Variants in FBXO10 observed in about 807,000 individuals in gnomAD.
FBXO10 encodes the protein F-box only protein 10.
In FBXO10, 39 loss-of-function variants were observed where a neutral mutation model predicts 80.7. The ratio of observed to expected loss-of-function variants is 0.48; its 90% confidence interval spans 0.37 to 0.63. The LOEUF is 0.63. Ranked by LOEUF, FBXO10 falls within the 30% of genes least tolerant of loss-of-function variation. The pLI is 0.00. For synonymous variants in FBXO10, 449 were observed against 489.6 expected (o/e 0.92, Z 1.09); for missense variants, 1,025 against 1,269.0 (o/e 0.81, Z 2.92).
intron 5 of FBXO10, among the ~76,000 whole-genome samples, chr9:37,527,149 C>T (rs1821498126): frequency 6.6e-6 from 1 of 152,212 alleles, no homozygotes; most frequent in South Asian, 2.1e-4. Context: ...CCGCCCCGGC[C>T]CCTGCTCTCT....
At chr9:37,515,871 A>G (rs759901840) in intron 10 of FBXO10, 33 bp downstream of exon 10, 1 of 1,600,678 alleles carries the variant, frequency 6.2e-7, no homozygotes, top group Non-Finnish European at 8.5e-7. Context: ...CTGTGGCTCT[A>G]GAGGACTCGT....
At chr9:37,572,016 G>C (rs191739389) in intron 1 of FBXO10, among the ~76,000 whole-genome samples, 136 of 151,902 alleles carry the variant, frequency 9.0e-4, no homozygotes, top group African/African-American at 3.1e-3. Context: ...CTGCTCAGGG[G>C]GCTGAGGTGG....
chr9:37,547,565 C>T lies in FBXO10; in HGVS notation c.-6-5791G>A, dbSNP rs540000349. Among the ~76,000 whole-genome samples the T allele has an allele frequency of 2.6e-5, 4 of 152,230 alleles. 1 individual carries two copies. The highest frequency in any genetic ancestry group is 2.6e-4 in the Admixed American group (4 of 15,284). On this transcript the variant is annotated intron_variant, in intron 1 of 10. Transcript: ENST00000432825. ...AATCAAAGCTGCAGTGAAACATGAT[C>T]GCATCACTGCACTCAAGCTTGGGTG...
At chr9:37,553,314 C>T in intron 1 of FBXO10, among the ~76,000 whole-genome samples, 1 of 152,118 alleles carries the variant, frequency 6.6e-6, no homozygotes, top group East Asian at 1.9e-4. Flanking sequence ...GCTGGGATTA[C>T]AGGCGTGAGC....
chr9:37,568,205 T>C (rs1295373141), intron 1 of FBXO10, among the ~76,000 whole-genome samples: 1 of 152,120 alleles, frequency 6.6e-6, no homozygotes, highest in African/African-American at 2.4e-5. Context: ...ATTATTATTA[T>C]TATTATTTTT....
At chr9:37,535,517 A>G (rs1046903649) in intron 3 of FBXO10, among the ~76,000 whole-genome samples, 6 of 148,082 alleles carry the variant, frequency 4.1e-5, no homozygotes, top group East Asian at 3.9e-4. Context: ...ATGCCTGGCT[A>G]TTTTTTTTTT....
chr9:37,557,938 C>T (rs558003662), intron 1 of FBXO10, among the ~76,000 whole-genome samples: 13 of 152,298 alleles, frequency 8.5e-5, no homozygotes, highest in South Asian at 6.2e-4. Context: ...TCCCAGTGGG[C>T]GATCTCATCT....
rs1477500332 is a variant in FBXO10 at position 37,544,732 on chromosome 9, C to T, written c.-6-2958G>A. On this transcript the variant is annotated intron_variant, in intron 1 of 10. Transcript: ENST00000432825. ...AAAAGCGGCCGGGCGCGGTGGCTCA[C>T]GCCTGTAATCCCAGCACTTTGGGAG... Among the ~76,000 whole-genome samples, 10 of 152,106 alleles carry T rather than the reference C, an allele frequency of 6.6e-5. No homozygotes were observed. In the East Asian group the frequency reaches 1.2e-3, roughly 18 times the overall value.
At chr9:37,544,368 G>A (rs758546316) in intron 1 of FBXO10, among the ~76,000 whole-genome samples, 2 of 152,186 alleles carry the variant, frequency 1.3e-5, no homozygotes, top group African/African-American at 2.4e-5. Flanking sequence ...GGGAGGCAGA[G>A]GTTGCAGTGA....
At chr9:37,559,639 A>C (rs1822427183) in intron 1 of FBXO10, among the ~76,000 whole-genome samples, 1 of 152,220 alleles carries the variant, frequency 6.6e-6, no homozygotes, top group African/African-American at 2.4e-5. Flanking sequence ...CTGAGGTCAA[A>C]TGGGGCCACA....
intron 1 of FBXO10, among the ~76,000 whole-genome samples, chr9:37,546,278 C>A (rs1470067538): frequency 1.3e-5 from 2 of 151,946 alleles, no homozygotes; most frequent in Admixed American, 1.3e-4. Context: ...GGCAGTCCCA[C>A]CAAGCAGGCA....
At position 37,541,294 on chromosome 9, in the gene FBXO10, C is replaced by A. The variant is rs761180631; in HGVS notation, c.475G>T (p.Gly159Trp). The change falls in exon 2 of 11, where the codon GGG (glycine) becomes TGG (tryptophan). Residue 159 changes from glycine to tryptophan, a missense_variant. This residue lies in a region of FBXO10 where 450 missense variants were observed against 499.4 expected (regional missense o/e 0.90). Coordinates refer to ENST00000432825, the MANE Select transcript of FBXO10 (RefSeq NM_012166.3). ...AGCAGGGCCACTTCACCCAACTTCCCCTGCCCTACAATCTCCACAGGCACC... is the reference window on the plus strand; with the variant it reads ...AGCAGGGCCACTTCACCCAACTTCCACTGCCCTACAATCTCCACAGGCACC... ...LKVPVEIVGQGKLGEVALLAS... is the reference protein window; with the variant it reads ...LKVPVEIVGQWKLGEVALLAS... 6.2e-7 allele frequency: 1 copy of A among 1,613,854 alleles called. No individual in the cohort carries two copies. Among genetic ancestry groups the A allele is most frequent in the Non-Finnish European group, 8.5e-7 (1 of 1,179,888 alleles).
rs1378610855 is a variant in FBXO10 at position 37,532,067 on chromosome 9, A to G, written c.1420-9T>C. ...TTCCTGAGCATGATGATCTAAGCAG[A>G]AAAGAGAAAGCCATTTATTTTCCTG... On this transcript the variant is annotated splice_polypyrimidine_tract_variant and intron_variant, in intron 3 of 10. Transcript: ENST00000432825. 21 of 1,611,468 alleles carry G rather than the reference A, an allele frequency of 1.3e-5. No homozygotes were observed. The highest frequency in any genetic ancestry group is 1.8e-5 in the Non-Finnish European group (21 of 1,178,562).
chr9:37,521,567 A>G lies in FBXO10; in HGVS notation c.2200+2T>C. The G allele has an allele frequency of 1.3e-6, 2 of 1,594,416 alleles. No homozygotes were observed. Among genetic ancestry groups the G allele is most frequent in the Non-Finnish European group, 1.7e-6 (2 of 1,166,492 alleles). On this transcript the variant is annotated splice_donor_variant, in intron 8 of 10. Coordinates refer to ENST00000432825, the MANE Select transcript of FBXO10 (RefSeq NM_012166.3). LOFTEE classifies it high-confidence loss of function. The stretch of plus-strand genomic sequence containing the variant: ...GAGCAGGGGCTGAGGGGGTATACTC[A>G]CCTCCATTGTGATTAATACTGTTAG...
At chr9:37,539,353 T>C (rs574540249) in intron 2 of FBXO10, among the ~76,000 whole-genome samples, 1 of 152,346 alleles carries the variant, frequency 6.6e-6, no homozygotes, top group Non-Finnish European at 1.5e-5. Flanking sequence ...TGAAATCGCC[T>C]TGGCCTTTGC....
rs1821919561 is a variant in FBXO10 at position 37,541,579 on chromosome 9, G to T, written c.190C>A (p.Pro64Thr). The change falls in exon 2 of 11, where the codon CCA becomes ACA. Residue 64 changes from proline to threonine, a missense_variant. Around this residue, in one of 3 missense-constraint regions of FBXO10, gnomAD observed 450 missense variants for 499.4 expected, o/e 0.90. Coordinates refer to ENST00000432825, the MANE Select transcript of FBXO10 (RefSeq NM_012166.3). Reference protein sequence around the residue: ...ECRHPNWPNQPDVEPESWREA... With the variant: ...ECRHPNWPNQTDVEPESWREA... The stretch of plus-strand genomic sequence containing the variant: ...CTCCAAGACTCAGGCTCCACATCTG[G>T]CTGGTTGGGCCAATTGGGATGGCGG... 1.2e-6 allele frequency: 2 copies of T among 1,613,608 alleles called. No individual in the cohort carries two copies. The highest frequency in any genetic ancestry group is 1.7e-6 in the Non-Finnish European group (2 of 1,179,798).
intron 1 of FBXO10, among the ~76,000 whole-genome samples, chr9:37,571,498 G>A (rs1426943258): frequency 6.6e-6 from 1 of 151,840 alleles, no homozygotes; most frequent in Non-Finnish European, 1.5e-5. Flanking sequence ...GAGATGTGGT[G>A]TCAGCTGAGA....
chr9:37,543,332 T>C (rs1225980121), intron 1 of FBXO10, among the ~76,000 whole-genome samples: 2 of 152,204 alleles, frequency 1.3e-5, no homozygotes, highest in Non-Finnish European at 2.9e-5. Flanking sequence ...GATTGGACTC[T>C]GGATGGTTCT....
At position 37,515,928 on chromosome 9, in the gene FBXO10, T is replaced by A; in HGVS notation, c.2672A>T (p.Asn891Ile). ...SNNRECIMQN[N>I]KFLVFKKKSD... The stretch of plus-strand genomic sequence containing the variant: ...CTTTTTCTTGAAGACCAGGAACTTG[T>A]TGTTTTGCATGATGCATTCTCGGTT... The change falls in exon 10 of 11, where the codon AAC (asparagine) becomes ATC (isoleucine). Residue 891 changes from asparagine to isoleucine, a missense_variant. Around this residue, in one of 3 missense-constraint regions of FBXO10, gnomAD observed 97 missense variants for 101.8 expected, o/e 0.95. Coordinates refer to ENST00000432825, the MANE Select transcript of FBXO10 (RefSeq NM_012166.3). 6.2e-7 allele frequency: 1 copy of A among 1,613,810 alleles called. No individual in the cohort carries two copies. Among genetic ancestry groups the A allele is most frequent in the Admixed American group, 1.7e-5 (1 of 59,958 alleles).
Sources: allele counts gnomAD v4.1 joint callset (sites outside exome capture counted in the v4.1 genomes callset), GRCh38; gene constraint gnomAD v4.1.1; regional missense constraint gnomAD v4.1.1; transcripts MANE v1.5; gene names NCBI Gene and HGNC (gene_info 2026-07-23, HGNC 2026-07-21).